Variants in MMP3 observed in about 807,000 individuals in gnomAD.
MMP3 encodes stromelysin-1.
MMP3 carries 46 observed loss-of-function variants against 47.3 expected under a neutral mutation model. The ratio of observed to expected loss-of-function variants is 0.97; its 90% confidence interval spans 0.77 to 1.24. The LOEUF is 1.24. Among genes scored for constraint, MMP3 ranks in the 50% most tolerant of loss-of-function variants. The pLI is 0.00. For synonymous variants in MMP3, 216 were observed against 206.5 expected, an observed-to-expected ratio of 1.05 and a Z score of -0.39; for missense variants, 558 against 565.5, an observed-to-expected ratio of 0.99 and a Z score of 0.13.
In MMP3 at chr11:102,842,771, A is replaced by G. The variant is rs782173998; in HGVS notation, c.251T>C (p.Leu84Pro). ...EVTGKLDSDTLEVMRKPRCGV... is the reference protein window; with the variant it reads ...EVTGKLDSDTPEVMRKPRCGV... Reference sequence around the variant, plus strand: ...ACACCTGGGCTTGCGCATCACCTCCAGAGTGTCGGAGTCCAGCTTCCCCGT... The same window carrying G: ...ACACCTGGGCTTGCGCATCACCTCCGGAGTGTCGGAGTCCAGCTTCCCCGT... Residue 84 changes from leucine (L) to proline (P), a missense_variant, in exon 2 of 10, where the codon CTG (leucine) becomes CCG (proline). By Grantham distance (98) the Leu-to-Pro change is moderately conservative (BLOSUM62 -3). Transcript: ENST00000299855. The G allele has an allele frequency of 9.3e-6, 15 of 1,613,838 alleles. No individual in the cohort carries two copies. The highest frequency in any genetic ancestry group is 1.3e-5 in the Non-Finnish European group (15 of 1,179,958).
In MMP3 at chr11:102,838,609, C is replaced by T. The variant is rs1555004936; in HGVS notation, c.1171G>A (p.Ala391Thr). The T allele has an allele frequency of 6.2e-6, 10 of 1,613,488 alleles. No individual in the cohort carries two copies. Among genetic ancestry groups the T allele is most frequent in the Non-Finnish European group, 8.5e-6 (10 of 1,179,974 alleles). The change falls in exon 8 of 10, where the codon GCC becomes ACC. Residue 391 changes from alanine to threonine, a missense_variant. Transcript: ENST00000299855. ...TTGTTCTTTTCCTTATCAGAAATGG[C>T]TGCATCGATTTTCCTCACGGTTGGA... The part of the protein sequence containing the change: ...FPPTVRKIDA[A>T]ISDKEKNKTY...
chr11:102,840,360 G>T (rs371598848), intron 5 of MMP3, 69 bp downstream of exon 5: 29 of 1,586,576 alleles, frequency 1.8e-5, no homozygotes, highest in Non-Finnish European at 2.4e-5. Flanking sequence ...ACTTTATGTA[G>T]CATTTGAAAG....
intron 6 of MMP3, 97 bp downstream of exon 6, chr11:102,840,011 T>A: frequency 7.5e-7 from 1 of 1,338,710 alleles, no homozygotes; most frequent in Non-Finnish European, 1.0e-6. Flanking sequence ...AACGTTTTTG[T>A]TTTAAATGTC....
chr11:102,843,306 C>A (rs1249263895), intron 1 of MMP3, 136 bp downstream of exon 1: 7 of 665,562 alleles, frequency 1.1e-5, no homozygotes, highest in Admixed American at 1.0e-4. Context: ...CCACTTCCAA[C>A]ACTCTATAAC....
rs1555005267 is a variant in MMP3, at chr11:102,840,432, A to G, written c.787T>C (p.Tyr263His). The G allele has an allele frequency of 2.5e-6, 4 of 1,613,886 alleles. No individual in the cohort carries two copies. Among genetic ancestry groups the G allele is most frequent in the Admixed American group, 1.7e-5 (1 of 59,992 alleles). The change falls in exon 5 of 10, where the codon TAT becomes CAT. Residue 263 changes from tyrosine to histidine, a missense_variant. Physicochemically the swap from Tyr to His is moderately conservative, Grantham distance 83. Transcript: ENST00000299855. Reference protein sequence around the residue: ...QDDINGIQSLYGPPPDSPETP... With the variant: ...QDDINGIQSLHGPPPDSPETP... ...TGATTTTCCCAGTGTCACTCACCAT[A>G]GAGGGACTGAATGCCATTTATATCA...
Position 102,838,595 on chromosome 11 carries a change from C to G in MMP3, c.1185G>C (p.Lys395Asn). Residue 395 changes from lysine (K) to asparagine (N), a missense_variant, in exon 8 of 10, where the codon AAG becomes AAC. Lys to Asn is a moderately conservative substitution (Grantham distance 94). Coordinates refer to ENST00000299855, the MANE Select transcript of MMP3 (RefSeq NM_002422.5). ...VRKIDAAISD[K>N]EKNKTYFFVE... The stretch of plus-strand genomic sequence containing the variant: ...CAAAGAAATATGTTTTGTTCTTTTC[C>G]TTATCAGAAATGGCTGCATCGATTT... The G allele has an allele frequency of 2.5e-6, 4 of 1,613,624 alleles. No homozygotes were observed. Among genetic ancestry groups the G allele is most frequent in the Middle Eastern group, 1.7e-4 (1 of 6,060 alleles).
Position 102,842,135 on chromosome 11 carries a change from TGA to T in MMP3, c.625+17_625+18del. Reference sequence around the variant, plus strand: ...AAAAAAATTAATGCCAAAATCATTCTGAGAGATGTGTAACTAACCTGTTGTAT... The same window carrying T: ...AAAAAAATTAATGCCAAAATCATTCTGAGATGTGTAACTAACCTGTTGTAT... On this transcript the variant is annotated intron_variant, in intron 4 of 9. Transcript: ENST00000299855. 7.2e-6 allele frequency: 11 copies of T among 1,526,292 alleles called. No individual in the cohort carries two copies. Among genetic ancestry groups the T allele is most frequent in the Non-Finnish European group, 8.8e-6 (10 of 1,138,332 alleles). 94.5% of individuals were successfully genotyped at this position (1,526,292 alleles called of 1,614,324 possible). A position where few individuals can be genotyped will look rare whatever the true frequency, so the allele number is the denominator to read the frequency against.
intron 3 of MMP3, 37 bp from the exon 4 acceptor site, chr11:102,842,316 A>G (rs1555005595): frequency 6.3e-7 from 1 of 1,584,200 alleles, no homozygotes; most frequent in Non-Finnish European, 8.6e-7. Context: ...GATATGTAAC[A>G]AGGATCCCTT....
intron 7 of MMP3, 31 bp downstream of exon 7, chr11:102,839,078 GC>G (rs782387180): frequency 6.3e-7 from 1 of 1,595,676 alleles, no homozygotes; most frequent in East Asian, 2.2e-5. Context: ...GTTTACTTTG[GC>G]AAGTTAAACA....
intron 4 of MMP3, 22 bp from the exon 5 acceptor site, chr11:102,840,615 A>G (rs1436507919): frequency 6.2e-7 from 1 of 1,610,502 alleles, no homozygotes; most frequent in East Asian, 2.2e-5. Flanking sequence ...ATTGAGAACA[A>G]TAGTTACTTA....
At chr11:102,838,964 A>G in intron 7 of MMP3, 146 bp downstream of exon 7, 5 of 892,990 alleles carry the variant, frequency 5.6e-6, no homozygotes, top group Non-Finnish European at 8.5e-6. Context: ...AAATATAAAT[A>G]CAATGATATC....
In MMP3 at chr11:102,837,790, G is replaced by C. The variant is rs1184991933; in HGVS notation, c.1230-389C>G. Among the ~76,000 whole-genome samples, 1 of 152,134 alleles carries C rather than the reference G, an allele frequency of 6.6e-6. No individual in the cohort carries two copies. Among genetic ancestry groups the C allele is most frequent in the Non-Finnish European group, 1.5e-5 (1 of 68,034 alleles). ...CACAATTGGCCCATATATGCCTGCT[G>C]TCCCCTCCCCTGCACATCTAAATCT... On this transcript the variant is annotated intron_variant, in intron 8 of 9. Coordinates refer to ENST00000299855, the MANE Select transcript of MMP3 (RefSeq NM_002422.5). This position sits in a 1 kb window ranked among gnomAD's most constrained non-coding sequence, Gnocchi z 4.4.
rs183427512 is a variant in MMP3, at chr11:102,842,215, C to A, written c.564G>T (p.Gly188=). ...GNVLAHAYAP[G]PGINGDAHFD... is the part of the protein sequence containing the mutation. ...AGTGGGCATCTCCATTAATCCCTGG[C>A]CCAGGGGCATAGGCATGGGCCAAAA... Residue 188 remains glycine (G), a synonymous_variant, in exon 4 of 10, where the codon GGG becomes GGT. Transcript: ENST00000299855. The A allele has an allele frequency of 2.5e-6, 4 of 1,612,810 alleles. No individual in the cohort carries two copies. The East Asian group carries it at 8.9e-5, about 36-fold the overall frequency.
intron 6 of MMP3, among the ~76,000 whole-genome samples, chr11:102,839,875 A>G (rs189255826): frequency 2.6e-5 from 4 of 152,308 alleles, no homozygotes; most frequent in African/African-American, 9.6e-5. Context: ...GTGACTTAAG[A>G]CATTTGGAAA....
At chr11:102,839,325 C>T in intron 6 of MMP3, 82 bp from the exon 7 acceptor site, 18 of 1,491,876 alleles carry the variant, frequency 1.2e-5, no homozygotes, top group Non-Finnish European at 1.5e-5. Context: ...TTGCCTCACC[C>T]AGCTTCCCCC....
chr11:102,838,998 C>T (rs376126778), intron 7 of MMP3, 112 bp downstream of exon 7: 17 of 1,130,248 alleles, frequency 1.5e-5, no homozygotes, highest in Admixed American at 4.6e-5. Context: ...TCTTCATTAC[C>T]GTTGACTACT....
chr11:102,841,231 A>G (rs1204789078), intron 4 of MMP3, among the ~76,000 whole-genome samples: 4 of 152,226 alleles, frequency 2.6e-5, no homozygotes, highest in African/African-American at 7.2e-5. Context: ...TCATATTTTT[A>G]AAAACACCCA....
At chr11:102,840,303 G>C (rs782137626) in intron 5 of MMP3, 51 bp from the exon 6 acceptor site, 6 of 1,599,288 alleles carry the variant, frequency 3.8e-6, no homozygotes, top group African/African-American at 1.3e-5. Flanking sequence ...ATGCCCATTT[G>C]TATGCTTTCC....
At chr11:102,838,043 G>A (rs1224905835) in intron 8 of MMP3, among the ~76,000 whole-genome samples, 1 of 152,142 alleles carries the variant, frequency 6.6e-6, no homozygotes, top group Non-Finnish European at 1.5e-5. Context: ...GGTGACAAGT[G>A]GGTGAGGTTA....
Sources: allele counts gnomAD v4.1 joint callset (sites outside exome capture counted in the v4.1 genomes callset), GRCh38; gene constraint gnomAD v4.1.1; non-coding constraint Gnocchi (gnomAD v3.1); transcripts MANE v1.5; gene names NCBI Gene and HGNC (gene_info 2026-07-23, HGNC 2026-07-21).